Variants in CREM observed in about 807,000 individuals in gnomAD.
CREM encodes the protein cAMP responsive element modulator.
CREM carries 13 observed loss-of-function variants against 37.3 expected under a neutral mutation model. The observed-to-expected ratio is 0.35, with a 90% CI of 0.23 to 0.55. CREM has a LOEUF of 0.55. Ranked by LOEUF, CREM falls within the 20% of genes least tolerant of loss-of-function variation. The probability of loss-of-function intolerance (pLI) is 0.88; values close to 1 mark genes in which losing one functional copy is unlikely to be tolerated. For synonymous variants in CREM, 124 were observed against 120.2 expected, an observed-to-expected ratio of 1.03 and a Z score of -0.21; for missense variants, 296 against 362.3, an observed-to-expected ratio of 0.82 and a Z score of 1.49.
At chr10:35,143,605 A>G (rs1039431430) in intron 2 of CREM, among the ~76,000 whole-genome samples, 1 of 152,176 alleles carries the variant, frequency 6.6e-6, no homozygotes, top group Non-Finnish European at 1.5e-5. Flanking sequence ...TGAGTGTTGA[A>G]CATAGACAGA....
intron 3 of CREM, among the ~76,000 whole-genome samples, chr10:35,174,901 G>A (rs2093980799): frequency 6.6e-6 from 1 of 152,176 alleles, no homozygotes; most frequent in African/African-American, 2.4e-5. Flanking sequence ...AAAGTTAAGT[G>A]ATAGTTCTGG....
intron 3 of CREM, among the ~76,000 whole-genome samples, chr10:35,149,889 AACACACACACACACACACACACAC>A (rs55971717): frequency 1.8e-5 from 2 of 111,828 alleles, no homozygotes; most frequent in Non-Finnish European, 3.6e-5. Flanking sequence ...CTTTTGCTTA[AACACACACACACACACACACACAC>A]ACACACACAC....
rs1491445244 is a variant in CREM, at chr10:35,187,154, TAA to T, written c.410-1045_410-1044del. 2.3e-3 allele frequency among the ~76,000 whole-genome samples: 124 copies of T among 54,734 alleles called. 1 individual carries two copies. Among genetic ancestry groups the T allele is most frequent in the African/African-American group, 8.3e-3 (120 of 14,522 alleles). The allele number at this position is 54,734 out of a possible 152,430, so 35.9% of individuals were successfully genotyped here. On this transcript the variant is annotated intron_variant, in intron 5 of 7. Transcript: ENST00000685392. ...TTAATATATTAATATATAATATATATAATATATATTATATATTAATATTAATA... is the reference window on the plus strand; with the variant it reads ...TTAATATATTAATATATAATATATATTATATATTATATATTAATATTAATA...
intron 6 of CREM, among the ~76,000 whole-genome samples, chr10:35,200,211 A>T (rs2095343310): frequency 6.6e-6 from 1 of 152,098 alleles, no homozygotes; most frequent in Admixed American, 6.6e-5. Context: ...TTTATAGATT[A>T]TTATTACTCT....
In CREM at chr10:35,176,535, G is replaced by A. The variant is rs187315758; in HGVS notation, c.169-2354G>A. Among the ~76,000 whole-genome samples the A allele has an allele frequency of 4.4e-3, 666 of 151,602 alleles. 6 individuals carry two copies. The highest frequency in any genetic ancestry group is 0.015 in the African/African-American group (630 of 41,316). The stretch of plus-strand genomic sequence containing the variant: ...CCATTCTCCTGCCTCAGCCTCCCGA[G>A]TAGCTGGGACTACAGGCGCCCGCCA... On this transcript the variant is annotated intron_variant, in intron 3 of 7. Coordinates refer to ENST00000685392, the MANE Select transcript of CREM (RefSeq NM_183011.2).
At chr10:35,138,235 A>G (rs2135634039) in intron 2 of CREM, among the ~76,000 whole-genome samples, 1 of 152,372 alleles carries the variant, frequency 6.6e-6, no homozygotes, top group South Asian at 2.1e-4. Flanking sequence ...TTAACCTTAT[A>G]AAACAGAAGA....
intron 6 of CREM, among the ~76,000 whole-genome samples, chr10:35,206,370 C>T (rs895794451): frequency 1.3e-5 from 2 of 152,060 alleles, no homozygotes; most frequent in Non-Finnish European, 2.9e-5. Flanking sequence ...CTCATAATTT[C>T]CAAGTATTTT....
At chr10:35,151,509 G>A (rs7079896) in intron 3 of CREM, among the ~76,000 whole-genome samples, 4,537 of 152,232 alleles carry the variant, frequency 0.03, 225 homozygotes, top group African/African-American at 0.1. Context: ...CCGAGTAGCT[G>A]GGATTACAGG....
chr10:35,148,447 G>T lies in CREM; in HGVS notation c.124G>T (p.Val42Leu). 1 of 1,613,788 alleles carries T rather than the reference G, an allele frequency of 6.2e-7. No individual in the cohort carries two copies. Among genetic ancestry groups the T allele is most frequent in the Non-Finnish European group, 8.5e-7 (1 of 1,179,882 alleles). The change falls in exon 3 of 8, where the codon GTG (valine) becomes TTG (leucine). Residue 42 changes from valine to leucine, a missense_variant. Physicochemically the swap from Val to Leu is conservative, Grantham distance 32 (BLOSUM62 1). Transcript: ENST00000685392. ...TTTGACAGAGAGCAAGTCTGCTCAT[G>T]TGCAGACTCAGACTGGCCAAAATTC... ...ASLTESKSAH[V>L]QTQTGQNSIP...
chr10:35,179,507 T>A (rs1013182507), intron 5 of CREM: 8 of 448,832 alleles, frequency 1.8e-5, no homozygotes, highest in Non-Finnish European at 2.6e-5. Context: ...AAGAAAATTT[T>A]GGGGTAAAAA....
At chr10:35,203,521 A>G (rs2095438460) in intron 6 of CREM, among the ~76,000 whole-genome samples, 1 of 151,980 alleles carries the variant, frequency 6.6e-6, no homozygotes, top group African/African-American at 2.4e-5. Context: ...GTGAAATCTC[A>G]TCTCTACTAA....
At chr10:35,183,579 G>A (rs978777306) in intron 5 of CREM, among the ~76,000 whole-genome samples, 1 of 152,138 alleles carries the variant, frequency 6.6e-6, no homozygotes, top group Non-Finnish European at 1.5e-5. Flanking sequence ...GTACTCATAG[G>A]TGCTCTCTTA....
intron 1 of CREM, among the ~76,000 whole-genome samples, chr10:35,133,486 A>G (rs2135455605): frequency 6.6e-6 from 1 of 152,100 alleles, no homozygotes. Flanking sequence ...TTTTGCAGAG[A>G]TAGGGTTTTA....
chr10:35,207,070 A>T lies in CREM; in HGVS notation c.755+19A>T, dbSNP rs765354907. 6.2e-7 allele frequency: 1 copy of T among 1,606,566 alleles called. No individual in the cohort carries two copies. Among genetic ancestry groups the T allele is most frequent in the Non-Finnish European group, 8.5e-7 (1 of 1,175,486 alleles). ...AAAACAGGTGAGGTGTTGCACAGGG[A>T]ATCGGTAACTTCTAGGACACTTTTT... On this transcript the variant is annotated intron_variant, in intron 7 of 7. Transcript: ENST00000685392.
At chr10:35,167,559 C>G (rs2132522479) in intron 3 of CREM, 2 of 642,196 alleles carry the variant, frequency 3.1e-6, no homozygotes, top group Non-Finnish European at 5.5e-6. Context: ...CAGAGCTAGT[C>G]CACTAGGTGC....
chr10:35,147,834 T>C (rs1178726176), intron 2 of CREM, among the ~76,000 whole-genome samples: 1 of 152,242 alleles, frequency 6.6e-6, no homozygotes, highest in Non-Finnish European at 1.5e-5. Context: ...CCCTTGGTAA[T>C]GTTCATATTC....
intron 2 of CREM, among the ~76,000 whole-genome samples, chr10:35,139,127 AT>A (rs112599991): frequency 0.31 from 44,887 of 145,860 alleles, 6,694 homozygotes; most frequent in South Asian, 0.35. Flanking sequence ...CATTTTAGCA[AT>A]TTTTTTTTTT....
intron 6 of CREM, chr10:35,195,141 T>C: frequency 6.2e-7 from 1 of 1,606,658 alleles, no homozygotes; most frequent in Non-Finnish European, 8.5e-7. Context: ...ACACTTTATG[T>C]TGAACTGTGG....
At chr10:35,149,837 C>CTT (rs1003678810) in intron 3 of CREM, among the ~76,000 whole-genome samples, 1 of 141,860 alleles carries the variant, frequency 7.0e-6, no homozygotes, top group African/African-American at 2.6e-5. Flanking sequence ...CTAGCAACAC[C>CTT]TTTTGTTACA....
Sources: allele counts gnomAD v4.1 joint callset (sites outside exome capture counted in the v4.1 genomes callset), GRCh38; gene constraint gnomAD v4.1.1; transcripts MANE v1.5; gene names NCBI Gene and HGNC (gene_info 2026-07-23, HGNC 2026-07-21).